ITPR2: variants seen among roughly 807,000 people sequenced by gnomAD.
ITPR2 encodes inositol 1,4,5-trisphosphate-gated calcium channel ITPR2.
A neutral mutation model predicts 317.1 loss-of-function variants in ITPR2; 207 were observed. The observed-to-expected ratio is 0.65, with a 90% CI of 0.58 to 0.73. The LOEUF is 0.73. Among genes scored for constraint, ITPR2 ranks in the 30% least tolerant of loss-of-function variants. The probability of loss-of-function intolerance (pLI) is 0.00; values close to 1 mark genes in which losing one functional copy is unlikely to be tolerated. For synonymous variants in ITPR2, 1,156 were observed against 1,149.1 expected (o/e 1.01, Z -0.12); for missense variants, 2,613 against 3,284.0 (o/e 0.80, Z 4.99).
intron 34 of ITPR2, among the ~76,000 whole-genome samples, chr12:26,564,662 G>A (rs191295658): frequency 9.2e-5 from 14 of 152,284 alleles, no homozygotes; most frequent in East Asian, 3.9e-4. Context: ...GGACACACAC[G>A]ATGTGAAGAT....
intron 39 of ITPR2, among the ~76,000 whole-genome samples, chr12:26,493,129 AGC>A (rs1942849824): frequency 6.6e-6 from 1 of 152,196 alleles, no homozygotes; most frequent in Admixed American, 6.5e-5. Flanking sequence ...CTGCAGCTAC[AGC>A]ATCATGAGAA....
intron 2 of ITPR2, among the ~76,000 whole-genome samples, chr12:26,788,217 C>G (rs554598599): frequency 1.3e-5 from 2 of 152,158 alleles, no homozygotes; most frequent in African/African-American, 4.8e-5. Context: ...CCACCATGCC[C>G]GGCCCATTTG....
chr12:26,496,814 G>A (rs891365503), intron 37 of ITPR2, among the ~76,000 whole-genome samples: 1 of 151,660 alleles, frequency 6.6e-6, no homozygotes, highest in Non-Finnish European at 1.5e-5. Flanking sequence ...CGTGGTGGTG[G>A]GCGCCTGTAG....
chr12:26,445,012 T>C (rs1445756733), intron 45 of ITPR2, among the ~76,000 whole-genome samples: 1 of 152,174 alleles, frequency 6.6e-6, no homozygotes, highest in African/African-American at 2.4e-5. Context: ...CAGGGGTTTC[T>C]AAAAATCTCA....
chr12:26,678,864 G>A (rs184130904), intron 13 of ITPR2, among the ~76,000 whole-genome samples: 1 of 152,178 alleles, frequency 6.6e-6, no homozygotes, highest in Admixed American at 6.5e-5. Context: ...AGAGTGACTC[G>A]CACAGGATTC....
chr12:26,486,776 T>C (rs1201127761), intron 40 of ITPR2: 7 of 593,390 alleles, frequency 1.2e-5, no homozygotes, highest in South Asian at 1.1e-4. Flanking sequence ...AAAGTTTCAT[T>C]TTCATGGTCA....
intron 9 of ITPR2, among the ~76,000 whole-genome samples, chr12:26,701,971 C>T (rs1018445897): frequency 6.6e-6 from 1 of 152,150 alleles, no homozygotes. Flanking sequence ...AAAGAAAATG[C>T]AGAAAGCATC....
At chr12:26,792,966 A>C (rs931636722) in intron 1 of ITPR2, among the ~76,000 whole-genome samples, 1 of 152,256 alleles carries the variant, frequency 6.6e-6, no homozygotes, top group African/African-American at 2.4e-5. Context: ...AGGGCAGAGT[A>C]CAGAGGACTA....
At chr12:26,475,230 A>T in intron 45 of ITPR2, 66 bp downstream of exon 45, 2 of 1,568,994 alleles carry the variant, frequency 1.3e-6, no homozygotes, top group Non-Finnish European at 1.7e-6. Context: ...AAAATATGAC[A>T]AGCCATGGAT....
chr12:26,557,880 A>G (rs1172464132), intron 35 of ITPR2, among the ~76,000 whole-genome samples: 2 of 152,204 alleles, frequency 1.3e-5, no homozygotes, highest in Non-Finnish European at 2.9e-5. Context: ...CTAACTTCTT[A>G]CATAAAGGAA....
At chr12:26,764,651 G>A (rs1472484704) in intron 2 of ITPR2, among the ~76,000 whole-genome samples, 2 of 151,652 alleles carry the variant, frequency 1.3e-5, no homozygotes, top group Non-Finnish European at 2.9e-5. Context: ...GGAATTATTG[G>A]GTTAATATCC....
intron 37 of ITPR2, among the ~76,000 whole-genome samples, chr12:26,503,593 T>C (rs570265985): frequency 1.3e-5 from 2 of 152,268 alleles, no homozygotes; most frequent in Admixed American, 1.3e-4. Context: ...CAGAGAGTAA[T>C]GTGATTGGTT....
chr12:26,576,512 C>T (rs1447595570), intron 34 of ITPR2, among the ~76,000 whole-genome samples: 2 of 152,290 alleles, frequency 1.3e-5, no homozygotes, highest in Non-Finnish European at 2.9e-5. Context: ...AGGAGCGCAG[C>T]GCAGTAAGTG....
intron 37 of ITPR2, chr12:26,495,663 A>C (rs1942916624): frequency 6.5e-6 from 1 of 153,630 alleles, no homozygotes; most frequent in African/African-American, 2.4e-5. Flanking sequence ...GAGTGTGTTC[A>C]ATAGAATGTA....
intron 25 of ITPR2, among the ~76,000 whole-genome samples, chr12:26,621,667 A>G (rs187217594): frequency 6.6e-6 from 1 of 152,202 alleles, no homozygotes; most frequent in Non-Finnish European, 1.5e-5. Context: ...TATTTGATGT[A>G]TAACTACCCT....
chr12:26,701,637 A>G (rs1181710050), intron 9 of ITPR2, among the ~76,000 whole-genome samples: 2 of 152,196 alleles, frequency 1.3e-5, no homozygotes, highest in African/African-American at 2.4e-5. Context: ...CTTTTCACAT[A>G]CTATGGCTGA....
At chr12:26,454,723 C>T (rs1275326568) in intron 45 of ITPR2, among the ~76,000 whole-genome samples, 1 of 145,000 alleles carries the variant, frequency 6.9e-6, no homozygotes, top group Non-Finnish European at 1.5e-5. Flanking sequence ...CTCTTGTTCT[C>T]AAAGTAATTG....
chr12:26,388,086 G>A (rs1334929155), intron 54 of ITPR2, among the ~76,000 whole-genome samples: 2 of 152,162 alleles, frequency 1.3e-5, no homozygotes, highest in South Asian at 2.1e-4. Context: ...GAAGATGGCC[G>A]TCCACACGCT....
At chr12:26,413,449 A>G (rs556396070) in intron 51 of ITPR2, among the ~76,000 whole-genome samples, 1 of 152,340 alleles carries the variant, frequency 6.6e-6, no homozygotes, top group Non-Finnish European at 1.5e-5. Context: ...CTCAATATAC[A>G]TAGTCAACTT....
Sources: gnomAD v4.1 joint callset for allele counts (sites outside exome capture counted in the v4.1 genomes callset) on GRCh38, gnomAD v4.1.1 for gene constraint, MANE v1.5 for transcripts, NCBI Gene and HGNC (gene_info 2026-07-23, HGNC 2026-07-21) for gene names.